The following ANAPC10 variants were observed in gnomAD, a reference collection of about 807,000 sequenced individuals.
ANAPC10 encodes the protein anaphase promoting complex subunit 10, also known as anaphase-promoting complex subunit 10.
ANAPC10 carries 12 observed loss-of-function variants against 22.0 expected under a neutral mutation model. The observed-to-expected ratio is 0.55, with a 90% CI of 0.35 to 0.88. The LOEUF (loss-of-function observed/expected upper bound fraction) is 0.88, where lower values mean the gene tolerates loss of function less well. Ranked by LOEUF, ANAPC10 falls within the 40% of genes least tolerant of loss-of-function variation. The pLI is 0.01. For missense variants in ANAPC10, 188 were observed against 220.9 expected, an observed-to-expected ratio of 0.85 and a Z score of 0.94; for synonymous variants, 65 against 69.5, an observed-to-expected ratio of 0.94 and a Z score of 0.32.
chr4:145,027,085 C>T (rs1359096495), intron 4 of ANAPC10, among the ~76,000 whole-genome samples: 2 of 133,920 alleles, frequency 1.5e-5, no homozygotes, highest in African/African-American at 2.8e-5. Flanking sequence ...CTCACTGCAA[C>T]CTCTGCCACC....
intron 3 of ANAPC10, among the ~76,000 whole-genome samples, chr4:145,073,476 G>A (rs1744771721): frequency 6.6e-6 from 1 of 152,110 alleles, no homozygotes; most frequent in Non-Finnish European, 1.5e-5. Flanking sequence ...ATTTGGGGAG[G>A]AGGGTAAATA....
At chr4:145,081,099 T>A (rs1269502688) in intron 3 of ANAPC10, among the ~76,000 whole-genome samples, 1 of 151,934 alleles carries the variant, frequency 6.6e-6, no homozygotes. Context: ...AGCGGCCAAC[T>A]GTCTCTTATT....
intron 4 of ANAPC10, among the ~76,000 whole-genome samples, chr4:145,002,150 C>T (rs1470909835): frequency 1.3e-5 from 2 of 152,060 alleles, no homozygotes; most frequent in African/African-American, 2.4e-5. Context: ...ACACATGAAG[C>T]AGCAGATTCT....
chr4:145,006,222 T>C (rs1178253169), intron 4 of ANAPC10, among the ~76,000 whole-genome samples: 1 of 152,180 alleles, frequency 6.6e-6, no homozygotes, highest in Non-Finnish European at 1.5e-5. Context: ...TTTTGTCTTT[T>C]GTGATCTTTG....
At chr4:145,017,964 G>A (rs1735433300) in intron 4 of ANAPC10, among the ~76,000 whole-genome samples, 2 of 116,624 alleles carry the variant, frequency 1.7e-5, no homozygotes, top group Non-Finnish European at 3.3e-5. Flanking sequence ...ACCGGGGCCT[G>A]TTGTGGGGTG....
At chr4:145,038,771 A>C (rs2127117307) in intron 4 of ANAPC10, among the ~76,000 whole-genome samples, 1 of 147,574 alleles carries the variant, frequency 6.8e-6, no homozygotes, top group East Asian at 2.0e-4. Flanking sequence ...GCAGTGAGCC[A>C]AGATCGCACC....
At chr4:145,030,721 C>T (rs1430582836) in intron 4 of ANAPC10, among the ~76,000 whole-genome samples, 1 of 152,136 alleles carries the variant, frequency 6.6e-6, no homozygotes, top group Non-Finnish European at 1.5e-5. Flanking sequence ...AGGGTGAGAA[C>T]TATCATGGTG....
intron 4 of ANAPC10, among the ~76,000 whole-genome samples, chr4:145,063,608 G>A (rs1210184320): frequency 6.6e-6 from 1 of 151,916 alleles, no homozygotes; most frequent in East Asian, 1.9e-4. Context: ...TGATTATTTG[G>A]GCTTAATGAT....
intron 3 of ANAPC10, among the ~76,000 whole-genome samples, chr4:145,077,797 G>C (rs1297934272): frequency 1.3e-5 from 2 of 152,156 alleles, no homozygotes; most frequent in African/African-American, 4.8e-5. Flanking sequence ...AAGAGATGCA[G>C]AAAAGGCTTT....
chr4:145,054,828 C>A (rs1033323651), intron 4 of ANAPC10, among the ~76,000 whole-genome samples: 2 of 151,928 alleles, frequency 1.3e-5, no homozygotes, highest in Admixed American at 1.3e-4. Context: ...GTTCTTTCTC[C>A]TTGTTATGTA....
intron 4 of ANAPC10, among the ~76,000 whole-genome samples, chr4:145,060,057 T>A (rs1742660776): frequency 1.3e-5 from 2 of 151,696 alleles, no homozygotes; most frequent in African/African-American, 4.8e-5. Flanking sequence ...CAGTGTAGAC[T>A]CAGAAATGCT....
intron 4 of ANAPC10, among the ~76,000 whole-genome samples, chr4:145,005,706 T>G (rs1394836924): frequency 1.3e-5 from 2 of 152,212 alleles, no homozygotes; most frequent in Non-Finnish European, 2.9e-5. Flanking sequence ...TCTGCCTTAA[T>G]TTCATGTGTA....
intron 3 of ANAPC10, 68 bp downstream of exon 3, chr4:145,081,592 T>C: frequency 2.0e-6 from 2 of 993,886 alleles, no homozygotes; most frequent in Non-Finnish European, 3.0e-6. Flanking sequence ...TTAATTTTTA[T>C]GTTAATAAAA....
intron 1 of ANAPC10, chr4:145,097,348 T>C (rs559486573): frequency 1.8e-6 from 1 of 543,748 alleles, no homozygotes; most frequent in African/African-American, 2.0e-5. Context: ...TCACATCTTT[T>C]GTTAATTTTA....
At chr4:145,021,987 G>T (rs1285800259) in intron 4 of ANAPC10, among the ~76,000 whole-genome samples, 1 of 152,136 alleles carries the variant, frequency 6.6e-6, no homozygotes, top group East Asian at 1.9e-4. Flanking sequence ...ACTTCTGCAG[G>T]AATGGCCATA....
At chr4:145,093,876 C>T (rs115057747) in intron 2 of ANAPC10, among the ~76,000 whole-genome samples, 3,574 of 152,128 alleles carry the variant, frequency 0.023, 59 homozygotes, top group Middle Eastern at 0.044. Flanking sequence ...AATTGGATTC[C>T]CAGATTCTTA....
At chr4:145,064,820 T>C (rs1743436134) in intron 3 of ANAPC10, 128 bp from the exon 4 acceptor site, 3 of 801,048 alleles carry the variant, frequency 3.7e-6, no homozygotes, top group Non-Finnish European at 5.5e-6. Flanking sequence ...TTCATATCTT[T>C]TAATTTCAAC....
chr4:145,081,930 G>A (rs1031649475), intron 2 of ANAPC10, among the ~76,000 whole-genome samples, 180 bp from the exon 3 acceptor site: 8 of 152,006 alleles, frequency 5.3e-5, no homozygotes, highest in South Asian at 2.1e-4. Flanking sequence ...GGCTGGCCTC[G>A]AACTCCCAGC....
chr4:145,031,735 G>C (rs1380878518), intron 4 of ANAPC10, among the ~76,000 whole-genome samples: 1 of 152,226 alleles, frequency 6.6e-6, no homozygotes, highest in African/African-American at 2.4e-5. Flanking sequence ...GGCCCCCATA[G>C]TGAATCACAG....
Sources: gnomAD v4.1 joint callset for allele counts (sites outside exome capture counted in the v4.1 genomes callset) on GRCh38, gnomAD v4.1.1 for gene constraint, MANE v1.5 for transcripts, NCBI Gene and HGNC (gene_info 2026-07-23, HGNC 2026-07-21) for gene names.